The following SYNPO variants were observed in gnomAD, a reference collection of about 807,000 sequenced individuals.
The protein encoded by SYNPO is synaptopodin.
In SYNPO, 19 loss-of-function variants were observed where a neutral mutation model predicts 49.5. The ratio of observed to expected loss-of-function variants is 0.38; its 90% CI spans 0.27 to 0.56. The LOEUF is 0.56. SYNPO is among the 20% of genes least tolerant of loss of function. SYNPO has a pLI of 0.68. For missense variants in SYNPO, 1,131 were observed against 1,248.3 expected (o/e 0.91, Z 1.42); for synonymous variants, 536 against 548.0 (o/e 0.98, Z 0.31).
intron 2 of SYNPO, among the ~76,000 whole-genome samples, chr5:150,620,946 T>TTTCTTTCTTTCTTTC (rs780412043): frequency 9.1e-5 from 6 of 65,820 alleles, no homozygotes; most frequent in Non-Finnish European, 1.8e-4. Context: ...TCTTTCTTTC[T>TTTCTTTCTTTCTTTC]TTTCTTTTCT....
chr5:150,594,807 G>A, the SYNPO span, among the ~76,000 whole-genome samples: 1 of 152,184 alleles, frequency 6.6e-6, no homozygotes, highest in Non-Finnish European at 1.5e-5. Context: ...GATGGGGAAA[G>A]TCCTTCCAAG....
At position 150,649,341 on chromosome 5, in the gene SYNPO, G is replaced by A. The variant is rs781448316; in HGVS notation, c.1066G>A (p.Gly356Ser). Reference sequence around the variant, plus strand: ...CGACCCCAAGTCTTCTCATCTGAAGGGCCAGGCGGTTCCTGCCAGCAAGAC... The same window carrying A: ...CGACCCCAAGTCTTCTCATCTGAAGAGCCAGGCGGTTCCTGCCAGCAAGAC... ...SSDPKSSHLK[G>S]QAVPASKTGI... is the part of the protein sequence containing the mutation. Residue 356 changes from glycine to serine, a missense_variant, in exon 2 of 3, where the codon GGC becomes AGC. By Grantham distance (56) the Gly-to-Ser change is moderately conservative. Around this residue, in one of 4 missense-constraint regions of SYNPO, gnomAD observed 602 missense variants for 720.7 expected, o/e 0.84. Transcript: ENST00000307662. 2.5e-6 allele frequency: 4 copies of A among 1,614,052 alleles called. No homozygotes were observed. The East Asian group carries it at 8.9e-5, about 36-fold the overall frequency.
In SYNPO at chr5:150,656,858, T is replaced by C. The variant is rs1311491137; in HGVS notation, c.2483T>C (p.Leu828Ser). ...AAFAPIPRSP[L>S]PAGPSSCTSP... The stretch of plus-strand genomic sequence containing the variant: ...TTCGCGCCCATCCCGCGGAGCCCGT[T>C]GCCCGCCGGTCCTTCGTCCTGCACC... Residue 828 changes from leucine (L) to serine (S), a missense_variant, in exon 3 of 3, where the codon TTG (leucine) becomes TCG (serine). Leu to Ser is a moderately radical substitution (Grantham distance 145). Transcript: ENST00000307662. 6.4e-7 allele frequency: 1 copy of C among 1,560,528 alleles called. No individual in the cohort carries two copies. The highest frequency in any genetic ancestry group is 1.4e-5 in the African/African-American group (1 of 72,948).
At chr5:150,593,487 G>A in the SYNPO span, among the ~76,000 whole-genome samples, 2 of 151,970 alleles carry the variant, frequency 1.3e-5, no homozygotes, top group Non-Finnish European at 2.9e-5. Flanking sequence ...TTTGAGACAG[G>A]GTCTTGCTCT....
chr5:150,638,106 G>T (rs535637586), upstream of SYNPO, among the ~76,000 whole-genome samples: 323 of 152,168 alleles, frequency 2.1e-3, 1 homozygote, highest in Non-Finnish European at 3.4e-3. Context: ...GTAGGGGAGT[G>T]GGGTGGGGGT....
At chr5:150,627,325 G>T (rs1034231423) in intron 2 of SYNPO, among the ~76,000 whole-genome samples, 9 of 152,178 alleles carry the variant, frequency 5.9e-5, no homozygotes, top group African/African-American at 2.2e-4. Flanking sequence ...GTCAACTGGG[G>T]AAGGGTGGAG....
chr5:150,643,617 C>G (rs946813079), intron 1 of SYNPO, among the ~76,000 whole-genome samples: 1 of 152,168 alleles, frequency 6.6e-6, no homozygotes, highest in African/African-American at 2.4e-5. Context: ...TCACCGCAAC[C>G]TCTGCCTCCC....
At chr5:150,605,295 C>T (rs772127378) in intron 1 of SYNPO, among the ~76,000 whole-genome samples, 1 of 152,182 alleles carries the variant, frequency 6.6e-6, no homozygotes, top group African/African-American at 2.4e-5. Context: ...AAAAGCACTT[C>T]TTGGAATGTT....
chr5:150,637,659 C>T (rs893153789), upstream of SYNPO, among the ~76,000 whole-genome samples: 7 of 152,326 alleles, frequency 4.6e-5, no homozygotes, highest in African/African-American at 1.7e-4. Flanking sequence ...TGGGGATAAA[C>T]CTCATCTCTC....
intron 2 of SYNPO, among the ~76,000 whole-genome samples, chr5:150,632,775 T>C (rs1177272587): frequency 1.3e-5 from 2 of 152,168 alleles, no homozygotes; most frequent in Non-Finnish European, 2.9e-5. Context: ...TAGCCGGTGC[T>C]ATTCTTAGTG....
At chr5:150,616,413 G>A (rs1266329792) in intron 1 of SYNPO, among the ~76,000 whole-genome samples, 2 of 152,176 alleles carry the variant, frequency 1.3e-5, no homozygotes, top group African/African-American at 2.4e-5. Context: ...AAGTAGCAGC[G>A]GAATCCAGTC....
chr5:150,656,754 C>A lies in SYNPO; in HGVS notation c.2379C>A (p.Pro793=), dbSNP rs1581524460. Residue 793 remains proline, a synonymous_variant, in exon 3 of 3, where the codon CCC becomes CCA. Coordinates refer to ENST00000307662, the MANE Select transcript of SYNPO (RefSeq NM_007286.6). Reference sequence around the variant, plus strand: ...CGCCGAGGGCGCCACCGCCCCCGCCCCCGCCCCCGCCCCCGCCCCCGCGCA... The same window carrying A: ...CGCCGAGGGCGCCACCGCCCCCGCCACCGCCCCCGCCCCCGCCCCCGCGCA... ...FSPPRAPPPP[P]PPPPPPPRMR... 4 of 1,183,888 alleles carry A rather than the reference C, an allele frequency of 3.4e-6. No individual in the cohort carries two copies. The highest frequency in any genetic ancestry group is 8.0e-5 in the South Asian group (2 of 24,962). The allele number at this position is 1,183,888 out of a possible 1,614,324, so 73.3% of individuals were successfully genotyped here. A position where few individuals can be genotyped will look rare whatever the true frequency, so the allele number is the denominator to read the frequency against.
At chr5:150,601,260 G>A (rs916164250) in intron 1 of SYNPO, 6 of 152,456 alleles carry the variant, frequency 3.9e-5, no homozygotes, top group Non-Finnish European at 7.3e-5. Flanking sequence ...CCCTGGGATG[G>A]CCAGTGGAGG....
upstream of SYNPO, among the ~76,000 whole-genome samples, chr5:150,600,530 C>T (rs1053389809): frequency 6.6e-5 from 10 of 152,248 alleles, no homozygotes; most frequent in Admixed American, 6.5e-5. Context: ...CTTGGCTCCC[C>T]ATCTCTGCAA....
chr5:150,655,439 C>T (rs1758518753), intron 2 of SYNPO, among the ~76,000 whole-genome samples: 1 of 152,178 alleles, frequency 6.6e-6, no homozygotes, highest in Non-Finnish European at 1.5e-5. Context: ...CTATCTAGTT[C>T]TTCCCATGTG....
At chr5:150,633,336 G>A (rs1757603150) in intron 2 of SYNPO, among the ~76,000 whole-genome samples, 1 of 152,222 alleles carries the variant, frequency 6.6e-6, no homozygotes, top group African/African-American at 2.4e-5. Flanking sequence ...ACCATAGCTA[G>A]TGATCAGGTT....
At chr5:150,586,597 G>T in the SYNPO span, among the ~76,000 whole-genome samples, 1 of 151,968 alleles carries the variant, frequency 6.6e-6, no homozygotes, top group Non-Finnish European at 1.5e-5. Flanking sequence ...TGGATGGATG[G>T]ATGGATGGAT....
At position 150,632,702 on chromosome 5, in the gene SYNPO, G is replaced by A. The variant is rs377685905; in HGVS notation, c.400+13935G>A. On this transcript the variant is annotated intron_variant, in intron 2 of 2. Transcript: ENST00000394243. ...GCTTGATGGTCCATAGCCCAGTGAC[G>A]TCTTTCCCTGCTTGTCCCTATCTTG... Among the ~76,000 whole-genome samples the A allele has an allele frequency of 4.0e-4, 61 of 152,270 alleles. No homozygotes were observed. In the East Asian group the frequency reaches 4.2e-3, roughly 11 times the overall value.
rs371481948 is a variant in SYNPO at position 150,645,830 on chromosome 5, GATAAA to G, written c.-332-2107_-332-2103del. On this transcript the variant is annotated intron_variant, in intron 1 of 2. Transcript: ENST00000307662. ...GCTTGTCTCATTGTGGTCTTGTGCAGATAAAATAAAAGAATGCAATGTTCTACAGT... is the reference window on the plus strand; with the variant it reads ...GCTTGTCTCATTGTGGTCTTGTGCAGATAAAAGAATGCAATGTTCTACAGT... Among the ~76,000 whole-genome samples the G allele has an allele frequency of 5.1e-3, 771 of 152,248 alleles. 2 individuals carry two copies. The highest frequency in any genetic ancestry group is 0.031 in the Middle Eastern group (9 of 294).
Sources: allele counts gnomAD v4.1 joint callset (sites outside exome capture counted in the v4.1 genomes callset), GRCh38; gene constraint gnomAD v4.1.1; regional missense constraint gnomAD v4.1.1; transcripts MANE v1.5; gene names NCBI Gene and HGNC (gene_info 2026-07-23, HGNC 2026-07-21).